RASA1: variants seen among roughly 807,000 people sequenced by gnomAD.
RASA1 encodes ras GTPase-activating protein 1.
In RASA1, 25 loss-of-function variants were observed where a neutral mutation model predicts 132.2. That is an observed-to-expected ratio of 0.19 (90% CI 0.14 to 0.26). The LOEUF is 0.26. RASA1 is among the 10% of genes least tolerant of loss of function. The pLI is 1.00. For missense variants in RASA1, 964 were observed against 1,299.2 expected (o/e 0.74, Z 3.97); for synonymous variants, 477 against 449.9 (o/e 1.06, Z -0.76).
At chr5:87,296,262 T>C (rs927408611) in intron 1 of RASA1, among the ~76,000 whole-genome samples, 5 of 152,220 alleles carry the variant, frequency 3.3e-5, no homozygotes, top group African/African-American at 1.2e-4. Context: ...TATTCCTGTT[T>C]CCTTGCTTCT....
intron 5 of RASA1, among the ~76,000 whole-genome samples, chr5:87,338,533 A>ATATATATATATATATATATATATAT (rs1491365794): frequency 1.4e-4 from 13 of 91,300 alleles, no homozygotes; most frequent in South Asian, 3.4e-4. Flanking sequence ...ATATATATAT[A>ATATATATATATATATATATATATAT]AAATTTTTTT....
At chr5:87,328,827 T>C (rs997957518) in intron 1 of RASA1, among the ~76,000 whole-genome samples, 1 of 152,172 alleles carries the variant, frequency 6.6e-6, no homozygotes, top group South Asian at 2.1e-4. Flanking sequence ...GTTTAAAGGT[T>C]ATATAGTATT....
intron 1 of RASA1, among the ~76,000 whole-genome samples, chr5:87,322,181 A>G (rs898353009): frequency 2.6e-5 from 4 of 152,040 alleles, no homozygotes; most frequent in Middle Eastern, 3.2e-3. Context: ...CTCAACCCCT[A>G]CTCCATGGAC....
intron 5 of RASA1, 133 bp downstream of exon 5, chr5:87,338,224 A>G: frequency 1.4e-6 from 2 of 1,395,926 alleles, no homozygotes; most frequent in Non-Finnish European, 2.0e-6. Context: ...TACAAGAATT[A>G]TAAGTGCTGT....
At chr5:87,384,047 A>T (rs761407390) in intron 21 of RASA1, among the ~76,000 whole-genome samples, 7 of 152,030 alleles carry the variant, frequency 4.6e-5, no homozygotes, top group Non-Finnish European at 8.8e-5. Context: ...TTGTGTCTCA[A>T]ACCTTTATAA....
chr5:87,317,233 C>G (rs1452621131), intron 1 of RASA1, among the ~76,000 whole-genome samples: 2 of 152,132 alleles, frequency 1.3e-5, no homozygotes, highest in Non-Finnish European at 1.5e-5. Flanking sequence ...ACATGGTGCT[C>G]TTATTGCAGT....
intron 1 of RASA1, among the ~76,000 whole-genome samples, chr5:87,304,739 A>G (rs1462391678): frequency 6.6e-6 from 1 of 152,160 alleles, no homozygotes; most frequent in African/African-American, 2.4e-5. Context: ...AAGTGCTGGG[A>G]TTGTAGGCAT....
intron 21 of RASA1, among the ~76,000 whole-genome samples, chr5:87,385,076 A>AGCACT (rs1321406210): frequency 6.6e-6 from 1 of 152,120 alleles, no homozygotes; most frequent in Non-Finnish European, 1.5e-5. Context: ...CAAGCCTAGA[A>AGCACT]GCACTGATAA....
intron 1 of RASA1, among the ~76,000 whole-genome samples, chr5:87,309,654 C>T (rs1011760988): frequency 2.0e-5 from 3 of 151,830 alleles, no homozygotes; most frequent in Admixed American, 1.3e-4. Flanking sequence ...TTGTATTTTG[C>T]CTGCTTTCAT....
chr5:87,295,382 A>C (rs1010184240), intron 1 of RASA1, among the ~76,000 whole-genome samples: 33 of 150,872 alleles, frequency 2.2e-4, no homozygotes, highest in African/African-American at 7.8e-4. Context: ...ACGATTTTCT[A>C]TTTGTTGCCC....
At chr5:87,319,552 T>C (rs2112330388) in intron 1 of RASA1, among the ~76,000 whole-genome samples, 1 of 152,318 alleles carries the variant, frequency 6.6e-6, no homozygotes, top group East Asian at 1.9e-4. Flanking sequence ...GCCCGAGTTG[T>C]ACATTGGCCC....
At chr5:87,373,068 G>A (rs1761065661) in intron 13 of RASA1, among the ~76,000 whole-genome samples, 1 of 152,110 alleles carries the variant, frequency 6.6e-6, no homozygotes, top group Admixed American at 6.6e-5. Context: ...ATAAGAGCAA[G>A]TTGTATTTTG....
intron 11 of RASA1, 36 bp downstream of exon 11, chr5:87,363,540 G>A: frequency 6.3e-7 from 1 of 1,592,104 alleles, no homozygotes; most frequent in East Asian, 2.2e-5. Flanking sequence ...TTTCGGAATT[G>A]TCTTAATAAT....
At chr5:87,373,280 A>T (rs1418457611) in intron 13 of RASA1, among the ~76,000 whole-genome samples, 3 of 152,140 alleles carry the variant, frequency 2.0e-5, no homozygotes, top group East Asian at 1.9e-4. Flanking sequence ...ACAGTATAAC[A>T]ACTATGTACA....
Position 87,374,161 on chromosome 5 carries a change from A to G in RASA1, c.1777-2A>G, listed in dbSNP as rs1361155142. The G allele has an allele frequency of 7.1e-7, 1 of 1,407,772 alleles. No homozygotes were observed. 87.2% of individuals were successfully genotyped at this position (1,407,772 alleles called of 1,614,324 possible). On this transcript the variant is annotated splice_acceptor_variant, in intron 13 of 24. Transcript: ENST00000274376. LOFTEE classifies it high-confidence loss of function. Reference sequence around the variant, plus strand: ...TATATATATATATTTTTTTTTTTTTAGGTCAGCAGCCTTGTTTTACATATT... The same window carrying G: ...TATATATATATATTTTTTTTTTTTTGGGTCAGCAGCCTTGTTTTACATATT...
chr5:87,268,542 C>G lies in RASA1; in HGVS notation c.91C>G (p.Pro31Ala). The G allele has an allele frequency of 6.3e-7, 1 of 1,599,776 alleles. No individual in the cohort carries two copies. The highest frequency in any genetic ancestry group is 8.5e-7 in the Non-Finnish European group (1 of 1,174,540). ...CGCGGCAGCGGGCTCCAGTGCCTATCCCGCAGTGTGTCGGGTGAAGATACC... is the reference window on the plus strand; with the variant it reads ...CGCGGCAGCGGGCTCCAGTGCCTATGCCGCAGTGTGTCGGGTGAAGATACC... ...GGAAAGSSAYPAVCRVKIPAA... is the reference protein window; with the variant it reads ...GGAAAGSSAYAAVCRVKIPAA... The change falls in exon 1 of 25, where the codon CCC becomes GCC. Residue 31 changes from proline to alanine, a missense_variant. This residue lies in a region of RASA1 where 326 missense variants were observed against 275.8 expected (regional missense o/e 1.18). Transcript: ENST00000274376.
chr5:87,309,974 G>A (rs1004757761), intron 1 of RASA1, among the ~76,000 whole-genome samples: 2 of 152,016 alleles, frequency 1.3e-5, no homozygotes, highest in African/African-American at 4.8e-5. Context: ...ATGTTTATGT[G>A]CTAGTTGAAA....
At chr5:87,297,833 T>C (rs1755190692) in intron 1 of RASA1, among the ~76,000 whole-genome samples, 1 of 152,222 alleles carries the variant, frequency 6.6e-6, no homozygotes. Flanking sequence ...CTGGAGTTTT[T>C]AATTGTCATT....
rs1757677358 is a variant in RASA1, at chr5:87,332,517, A to G, written c.703A>G (p.Met235Val). The change falls in exon 3 of 25, where the codon ATG becomes GTG. Residue 235 changes from methionine (M) to valine (V), a missense_variant. Met to Val is a conservative substitution (Grantham distance 21). Around this residue, in one of 6 missense-constraint regions of RASA1, gnomAD observed 154 missense variants for 286.5 expected, o/e 0.54. Coordinates refer to ENST00000274376, the MANE Select transcript of RASA1 (RefSeq NM_002890.3). ...TTCCTGTTCAAATAGGATTATTGCT[A>G]TGTGTGGAGATTACTACATTGGTGG... ...NVVNHFRIIA[M>V]CGDYYIGGRR... The G allele has an allele frequency of 4.4e-6, 7 of 1,606,368 alleles. No homozygotes were observed. Among genetic ancestry groups the G allele is most frequent in the Non-Finnish European group, 4.3e-6 (5 of 1,173,432 alleles).
Sources: allele counts gnomAD v4.1 joint callset (sites outside exome capture counted in the v4.1 genomes callset), GRCh38; gene constraint gnomAD v4.1.1; regional missense constraint gnomAD v4.1.1; transcripts MANE v1.5; gene names NCBI Gene and HGNC (gene_info 2026-07-23, HGNC 2026-07-21).